Variants in CNOT6L observed in about 807,000 individuals in gnomAD.
The protein encoded by CNOT6L is CCR4-NOT transcription complex subunit 6 like.
CNOT6L carries 7 observed loss-of-function variants against 64.0 expected under a neutral mutation model. The ratio of observed to expected loss-of-function variants is 0.11; its 90% confidence interval spans 0.06 to 0.21. CNOT6L has a LOEUF of 0.21. Ranked by LOEUF, CNOT6L falls within the 10% of genes least tolerant of loss-of-function variation. The probability of loss-of-function intolerance (pLI) is 1.00; values close to 1 mark genes in which losing one functional copy is unlikely to be tolerated. For synonymous variants in CNOT6L, 193 were observed against 243.4 expected, an observed-to-expected ratio of 0.79 and a Z score of 1.93; for missense variants, 245 against 669.0, an observed-to-expected ratio of 0.37 and a Z score of 6.99.
intron 1 of CNOT6L, among the ~76,000 whole-genome samples, chr4:77,817,632 A>G (rs975710347): frequency 2.0e-5 from 3 of 152,250 alleles, no homozygotes; most frequent in Non-Finnish European, 4.4e-5. Context: ...CACAGCTGGG[A>G]GGCTAACTGA....
In CNOT6L at chr4:77,755,098, C is replaced by T. The variant is rs74860459; in HGVS notation, c.490+1764G>A. On this transcript the variant is annotated intron_variant, in intron 5 of 11. Transcript: ENST00000504123. ...GAAAAATTTAATAATAGCATGGGAG[C>T]ACATATTTGCAACATATTACCAAAA... 4.5e-4 allele frequency among the ~76,000 whole-genome samples: 68 copies of T among 150,960 alleles called. No homozygotes were observed. The East Asian group carries it at 0.012, about 27-fold the overall frequency.
chr4:77,811,393 C>T (rs571623289), intron 1 of CNOT6L, among the ~76,000 whole-genome samples: 2 of 152,076 alleles, frequency 1.3e-5, no homozygotes, highest in East Asian at 3.9e-4. Context: ...GTACAAAATC[C>T]CGTCTCTACT....
chr4:77,728,798 T>C (rs1387348197), intron 10 of CNOT6L, 56 bp downstream of exon 10: 2 of 1,449,592 alleles, frequency 1.4e-6, no homozygotes, highest in East Asian at 4.5e-5. Flanking sequence ...TAGCTGGCCT[T>C]TGAACCAAGA....
intron 1 of CNOT6L, among the ~76,000 whole-genome samples, chr4:77,788,849 T>C (rs951875530): frequency 6.6e-6 from 1 of 150,806 alleles, no homozygotes; most frequent in African/African-American, 2.4e-5. Context: ...GGCAATAAAA[T>C]ATAATGCCAC....
At chr4:77,813,027 C>A (rs1018586884) in intron 1 of CNOT6L, among the ~76,000 whole-genome samples, 6 of 152,020 alleles carry the variant, frequency 3.9e-5, no homozygotes, top group African/African-American at 1.2e-4. Flanking sequence ...AATTAAAAGT[C>A]CAGAAATAAA....
chr4:77,768,597 G>GA (rs995861098), intron 4 of CNOT6L, among the ~76,000 whole-genome samples: 6 of 149,282 alleles, frequency 4.0e-5, no homozygotes, highest in Non-Finnish European at 8.9e-5. Context: ...ACGCAAAATA[G>GA]AAAAAAGAAC....
intron 7 of CNOT6L, among the ~76,000 whole-genome samples, chr4:77,742,668 A>T (rs1239473700): frequency 6.6e-6 from 1 of 152,208 alleles, no homozygotes; most frequent in African/African-American, 2.4e-5. Context: ...TAATTTATAT[A>T]TAAAAAGGTA....
chr4:77,724,957 T>C (rs575486616), intron 11 of CNOT6L, among the ~76,000 whole-genome samples: 7 of 152,134 alleles, frequency 4.6e-5, no homozygotes, highest in Admixed American at 6.6e-5. Context: ...TGTTGGAAGA[T>C]AGGATTCTGC....
intron 6 of CNOT6L, among the ~76,000 whole-genome samples, 160 bp downstream of exon 6, chr4:77,748,156 C>T (rs1454278977): frequency 1.3e-5 from 2 of 152,100 alleles, no homozygotes; most frequent in Non-Finnish European, 2.9e-5. Context: ...ATTGACAGGT[C>T]TATCTTAATG....
chr4:77,779,488 T>G (rs1179701772), intron 1 of CNOT6L, among the ~76,000 whole-genome samples: 1 of 152,142 alleles, frequency 6.6e-6, no homozygotes, highest in Non-Finnish European at 1.5e-5. Flanking sequence ...AGATTTCTAT[T>G]TTTTAATTCT....
intron 5 of CNOT6L, among the ~76,000 whole-genome samples, chr4:77,755,223 GTTTTTTTTTTTTT>G (rs869054667): frequency 4.3e-5 from 3 of 70,434 alleles, no homozygotes; most frequent in African/African-American, 6.1e-5. Flanking sequence ...AGAGACAAGA[GTTTTTTTTTTTTT>G]TTTTTTTTTT....
At chr4:77,815,714 T>C (rs1733494133) in intron 1 of CNOT6L, among the ~76,000 whole-genome samples, 2 of 152,168 alleles carry the variant, frequency 1.3e-5, no homozygotes, top group Non-Finnish European at 1.5e-5. Flanking sequence ...GTCATTTAAG[T>C]CTGGAGTTTC....
chr4:77,806,785 C>G (rs576609141), intron 1 of CNOT6L, among the ~76,000 whole-genome samples: 27 of 152,272 alleles, frequency 1.8e-4, no homozygotes, highest in Non-Finnish European at 3.4e-4. Context: ...TGTTCCCACT[C>G]GAGCCCTAGA....
At chr4:77,749,166 T>C (rs1057078651) in intron 5 of CNOT6L, among the ~76,000 whole-genome samples, 2 of 152,224 alleles carry the variant, frequency 1.3e-5, no homozygotes, top group African/African-American at 4.8e-5. Context: ...GCCCAGATCT[T>C]TAAAACTGTC....
At chr4:77,817,502 CAT>C (rs965665512) in intron 1 of CNOT6L, among the ~76,000 whole-genome samples, 3 of 152,304 alleles carry the variant, frequency 2.0e-5, no homozygotes, top group Non-Finnish European at 2.9e-5. Context: ...ACATGCCAAA[CAT>C]ATGTTTTCTC....
intron 1 of CNOT6L, among the ~76,000 whole-genome samples, chr4:77,792,186 T>C (rs1320570074): frequency 6.6e-6 from 1 of 152,146 alleles, no homozygotes; most frequent in Non-Finnish European, 1.5e-5. Context: ...AAGCTATGTC[T>C]CTTCTTTTTG....
intron 8 of CNOT6L, among the ~76,000 whole-genome samples, chr4:77,735,470 A>G (rs1022303456): frequency 2.0e-5 from 3 of 152,138 alleles, no homozygotes; most frequent in East Asian, 1.9e-4. Context: ...CTCTACTCCA[A>G]TATTTATAAC....
intron 7 of CNOT6L, among the ~76,000 whole-genome samples, chr4:77,743,694 T>C (rs1310888952): frequency 2.8e-5 from 4 of 144,764 alleles, no homozygotes; most frequent in Non-Finnish European, 6.0e-5. Flanking sequence ...CTCTGCTTCC[T>C]GGGTTCAAGC....
intron 1 of CNOT6L, among the ~76,000 whole-genome samples, chr4:77,790,760 T>C (rs906497169): frequency 6.6e-6 from 1 of 151,838 alleles, no homozygotes; most frequent in African/African-American, 2.4e-5. Context: ...AGAGTTCTCC[T>C]GCCTCAGCTT....
Sources: allele counts gnomAD v4.1 joint callset (sites outside exome capture counted in the v4.1 genomes callset), GRCh38; gene constraint gnomAD v4.1.1; transcripts MANE v1.5; gene names NCBI Gene and HGNC (gene_info 2026-07-23, HGNC 2026-07-21).